The following MAMLD1 variants were observed in gnomAD, a reference collection of about 807,000 sequenced individuals.
MAMLD1 encodes the protein mastermind like domain containing 1.
MAMLD1 carries 14 observed loss-of-function variants against 45.0 expected under a neutral mutation model. The observed-to-expected ratio is 0.31, with a 90% confidence interval of 0.21 to 0.49. The LOEUF (loss-of-function observed/expected upper bound fraction) is 0.49, where lower values mean the gene tolerates loss of function less well. Ranked by LOEUF, MAMLD1 falls within the 20% of genes least tolerant of loss-of-function variation. The pLI is 0.99. For synonymous variants in MAMLD1, 254 were observed against 247.8 expected (o/e 1.02, Z -0.24); for missense variants, 543 against 603.6 (o/e 0.90, Z 1.05).
chrX:150,496,846 A>G (rs1557408297), intron 5 of MAMLD1, among the ~76,000 whole-genome samples: 1 of 112,608 alleles, frequency 8.9e-6, no homozygotes, highest in Non-Finnish European at 1.9e-5. Context: ...TGGGATATCC[A>G]CAGGAATGTG....
At chrX:150,486,836 C>A (rs2037006011) in intron 5 of MAMLD1, among the ~76,000 whole-genome samples, 1 of 111,982 alleles carries the variant, frequency 8.9e-6, no homozygotes, top group Admixed American at 9.5e-5. Flanking sequence ...AGTTGGAAAG[C>A]AGCACACGGT....
At chrX:150,405,357 C>G (rs2033968526) in intron 1 of MAMLD1, among the ~76,000 whole-genome samples, 2 of 110,927 alleles carry the variant, frequency 1.8e-5, no homozygotes, top group Non-Finnish European at 3.8e-5. Context: ...GAATAGGGGG[C>G]CATCAAAAGG....
chrX:150,403,989 A>AAAGAAAG (rs2033925867), intron 1 of MAMLD1, among the ~76,000 whole-genome samples: 1 of 92,586 alleles, frequency 1.1e-5, no homozygotes, highest in Non-Finnish European at 2.3e-5. Context: ...AGAAAGAAAG[A>AAAGAAAG]AAGAAAGAAG....
chrX:150,410,977 GT>G (rs1478095611), intron 1 of MAMLD1, among the ~76,000 whole-genome samples: 1 of 94,596 alleles, frequency 1.1e-5, no homozygotes, highest in African/African-American at 5.0e-5. Context: ...ACATTATGAA[GT>G]TTTTTTTGAT....
intron 5 of MAMLD1, among the ~76,000 whole-genome samples, chrX:150,483,444 TG>T (rs1355650988): frequency 8.9e-6 from 1 of 112,853 alleles, no homozygotes. Context: ...ATGAATGAGC[TG>T]TATCTGCTAG....
intron 1 of MAMLD1, among the ~76,000 whole-genome samples, chrX:150,377,341 A>T (rs2032369604): frequency 8.8e-6 from 1 of 113,064 alleles, no homozygotes; most frequent in Non-Finnish European, 1.9e-5. Flanking sequence ...GCTTTGTGGA[A>T]TTTTCCTCTT....
intron 1 of MAMLD1, among the ~76,000 whole-genome samples, chrX:150,413,024 C>T (rs2034162425): frequency 9.0e-6 from 1 of 111,406 alleles, no homozygotes; most frequent in East Asian, 2.8e-4. Flanking sequence ...CTGTGCCTGG[C>T]CTGCTTTTAA....
At position 150,513,528 on chromosome X, in the gene MAMLD1, T is replaced by C. The variant is rs782455508; in HGVS notation, c.*1569T>C. On this transcript the variant is annotated 3_prime_UTR_variant, in exon 8 of 8. Transcript: ENST00000370401. ...GTTGTGCAAGTTGACAAATGCCAAATAGAAAACCACTTGGCCATTTATTTC... is the reference window on the plus strand; with the variant it reads ...GTTGTGCAAGTTGACAAATGCCAAACAGAAAACCACTTGGCCATTTATTTC... The C allele has an allele frequency of 9.3e-5, 24 of 258,299 alleles. No individual in the cohort carries two copies. The highest frequency in any genetic ancestry group is 2.7e-5 in the Non-Finnish European group (4 of 147,509). The allele number at this position is 258,299 out of a possible 1,213,427, so 21.3% of individuals were successfully genotyped here.
At position 150,470,578 on chromosome X, in the gene MAMLD1, A is replaced by G. The variant is rs2036383782; in HGVS notation, c.1005A>G (p.Gly335=). 1.7e-6 allele frequency: 2 copies of G among 1,208,117 alleles called. No individual in the cohort carries two copies. Among genetic ancestry groups the G allele is most frequent in the Non-Finnish European group, 2.2e-6 (2 of 894,592 alleles). The part of the protein sequence containing the change: ...TPSWSGLPPP[G]LSPPYRPVPS... ...GTTGGTCTGGTCTGCCTCCTCCAGGACTCTCTCCACCTTACCGCCCAGTGC... is the reference window on the plus strand; with the variant it reads ...GTTGGTCTGGTCTGCCTCCTCCAGGGCTCTCTCCACCTTACCGCCCAGTGC... The change falls in exon 4 of 8, where the codon GGA becomes GGG. Residue 335 remains glycine (G), a synonymous_variant. Transcript: ENST00000370401.
intron 5 of MAMLD1, among the ~76,000 whole-genome samples, chrX:150,483,340 C>G (rs782079524): frequency 8.9e-6 from 1 of 112,474 alleles, no homozygotes; most frequent in Non-Finnish European, 1.9e-5. Flanking sequence ...TGGTAGTAAA[C>G]TCCTCAGGCA....
chrX:150,396,149 A>AT (rs151164752), intron 1 of MAMLD1, among the ~76,000 whole-genome samples: 7,289 of 39,129 alleles, frequency 0.19, 1,687 homozygotes, highest in Non-Finnish European at 0.26. Flanking sequence ...TACCTGGCTA[A>AT]TTTTTTTTTT....
chrX:150,485,395 C>G (rs1373607131), intron 5 of MAMLD1, among the ~76,000 whole-genome samples: 5 of 111,691 alleles, frequency 4.5e-5, no homozygotes, highest in African/African-American at 1.6e-4. Context: ...CCAGCAACAC[C>G]TTTTACGGGC....
chrX:150,368,277 T>C (rs1603201781), intron 1 of MAMLD1, among the ~76,000 whole-genome samples: 1 of 111,369 alleles, frequency 9.0e-6, no homozygotes, highest in African/African-American at 3.3e-5. Context: ...TGGTATCTCA[T>C]TGTGGTTTTG....
At chrX:150,471,752 G>T (rs1381716472) in intron 4 of MAMLD1, among the ~76,000 whole-genome samples, 2 of 112,156 alleles carry the variant, frequency 1.8e-5, no homozygotes, top group Non-Finnish European at 3.8e-5. Context: ...AGGTGCTCCC[G>T]GTGGAAGGAG....
chrX:150,490,896 A>G (rs782659709), intron 5 of MAMLD1, among the ~76,000 whole-genome samples: 1 of 112,311 alleles, frequency 8.9e-6, no homozygotes, highest in South Asian at 3.7e-4. Flanking sequence ...AAAGCAATCA[A>G]TGTAACACAC....
At chrX:150,427,625 CAG>C (rs1557403874) in intron 1 of MAMLD1, among the ~76,000 whole-genome samples, 1 of 111,618 alleles carries the variant, frequency 9.0e-6, no homozygotes, top group Admixed American at 9.5e-5. Flanking sequence ...GGATGAGGGA[CAG>C]ACTCAGGCAT....
At chrX:150,375,239 T>G (rs2124464794) in intron 1 of MAMLD1, among the ~76,000 whole-genome samples, 1 of 111,933 alleles carries the variant, frequency 8.9e-6, no homozygotes, top group South Asian at 3.8e-4. Context: ...AGACATTTCC[T>G]TGGCCCTTGT....
At chrX:150,431,398 GTTTT>G (rs58560950) in intron 1 of MAMLD1, among the ~76,000 whole-genome samples, 2,010 of 103,204 alleles carry the variant, frequency 0.019, 54 homozygotes, top group African/African-American at 0.068. Context: ...CTTCTTCCTT[GTTTT>G]TTTTTTTTTC....
At chrX:150,462,931 G>T in intron 3 of MAMLD1, 85 bp downstream of exon 3, 1 of 700,941 alleles carries the variant, frequency 1.4e-6, no homozygotes, top group South Asian at 2.2e-5. Context: ...ACCTACAAGA[G>T]GTCACACCAC....
Sources: gnomAD v4.1 joint callset for allele counts (sites outside exome capture counted in the v4.1 genomes callset) on GRCh38, gnomAD v4.1.1 for gene constraint, MANE v1.5 for transcripts, NCBI Gene and HGNC (gene_info 2026-07-23, HGNC 2026-07-21) for gene names.